Variants in EPHB3 observed in about 807,000 individuals in gnomAD.
The protein encoded by EPHB3 is EPH receptor B3.
Under a neutral mutation model 100.2 loss-of-function variants are expected in EPHB3, and 33 were observed. That is an observed-to-expected ratio of 0.33 (90% CI 0.25 to 0.44). The LOEUF (loss-of-function observed/expected upper bound fraction) is 0.44. Ranked by LOEUF, EPHB3 falls within the 20% of genes least tolerant of loss-of-function variation. The probability of loss-of-function intolerance (pLI) is 1.00; values close to 1 mark genes in which losing one functional copy is unlikely to be tolerated. For missense variants in EPHB3, 1,045 were observed against 1,378.3 expected (o/e 0.76, Z 3.83); for synonymous variants, 526 against 554.7 (o/e 0.95, Z 0.73).
In EPHB3 at chr3:184,578,040, C is replaced by A. The variant is rs4072650; in HGVS notation, c.1748+34C>A. On this transcript the variant is annotated intron_variant, in intron 8 of 15. Coordinates refer to ENST00000330394, the MANE Select transcript of EPHB3 (RefSeq NM_004443.4). The surrounding 1 kb of genome is among the most constrained non-coding windows in gnomAD (Gnocchi z 4.7). ...AGGCCCACTGTTGCTCCATGGGCCG[C>A]CTCGAACTGCCCTTTAGCATCCTAG... 0.32 allele frequency: 513,749 copies of A among 1,605,972 alleles called. 85,637 individuals carry two copies. The highest frequency in any genetic ancestry group is 0.52 in the African/African-American group (38,801 of 74,662).
chr3:184,572,407 A>C lies in EPHB3; in HGVS notation c.184-97A>C. 1 of 1,374,786 alleles carries C rather than the reference A, an allele frequency of 7.3e-7. No individual in the cohort carries two copies. The highest frequency in any genetic ancestry group is 9.6e-7 in the Non-Finnish European group (1 of 1,038,180). 85.2% of individuals were successfully genotyped at this position (1,374,786 alleles called of 1,614,324 possible). A position where few individuals can be genotyped will look rare whatever the true frequency, so the allele number is the denominator to read the frequency against. ...ATGCTCAGCCACTGCACACCATAGAAGCATCCCTGTGAAGTAAATAGAGCA... is the reference window on the plus strand; with the variant it reads ...ATGCTCAGCCACTGCACACCATAGACGCATCCCTGTGAAGTAAATAGAGCA... On this transcript the variant is annotated intron_variant, in intron 2 of 15. Coordinates refer to ENST00000330394, the MANE Select transcript of EPHB3 (RefSeq NM_004443.4). The surrounding 1 kb of genome is among the most constrained non-coding windows in gnomAD (Gnocchi z 6.6).
In EPHB3 at chr3:184,578,503, A is replaced by T. The variant is rs745799761; in HGVS notation, c.1801+37A>T. The stretch of plus-strand genomic sequence containing the variant: ...CCCGCCGCCCTCCCCAAGCTCTCCC[A>T]GCCCCCTGCAGGGCTCTCAGACACC... On this transcript the variant is annotated intron_variant, in intron 9 of 15. Coordinates refer to ENST00000330394, the MANE Select transcript of EPHB3 (RefSeq NM_004443.4). The surrounding 1 kb of genome is among the most constrained non-coding windows in gnomAD (Gnocchi z 4.7). 1.9e-6 allele frequency: 3 copies of T among 1,612,828 alleles called. No individual in the cohort carries two copies. The African/African-American group carries it at 4.0e-5, about 22-fold the overall frequency.
chr3:184,565,279 C>T lies in EPHB3; in HGVS notation c.118+2926C>T, dbSNP rs977069227. ...GGAAACAGGGCCACCTTGTCACCCA[C>T]TGGTCTTTTGAGTAATGTTCCCCAG... On this transcript the variant is annotated intron_variant, in intron 1 of 15. Coordinates refer to ENST00000330394, the MANE Select transcript of EPHB3 (RefSeq NM_004443.4). The surrounding 1 kb of genome is among the most constrained non-coding windows in gnomAD (Gnocchi z 4.8). Among the ~76,000 whole-genome samples the T allele has an allele frequency of 6.6e-6, 1 of 152,136 alleles. No homozygotes were observed. Among genetic ancestry groups the T allele is most frequent in the Admixed American group, 6.5e-5 (1 of 15,282 alleles).
rs1004144334 is a variant in EPHB3, at chr3:184,578,625, G to A, written c.1801+159G>A. ...CATTTCCTGACCCCTATCTCACTCC[G>A]GGTACCCTGGGCCCCTACTCACTCC... On this transcript the variant is annotated intron_variant, in intron 9 of 15. Coordinates refer to ENST00000330394, the MANE Select transcript of EPHB3 (RefSeq NM_004443.4). The surrounding 1 kb of genome is among the most constrained non-coding windows in gnomAD (Gnocchi z 4.7). Among the ~76,000 whole-genome samples, 6 of 152,052 alleles carry A rather than the reference G, an allele frequency of 3.9e-5. No individual in the cohort carries two copies. Among genetic ancestry groups the A allele is most frequent in the South Asian group, 4.2e-4 (2 of 4,818 alleles).
In EPHB3 at chr3:184,577,849, G is replaced by A. The variant is rs372436350; in HGVS notation, c.1639+32G>A. On this transcript the variant is annotated intron_variant, in intron 7 of 15. Transcript: ENST00000330394. This position sits in a 1 kb window ranked among gnomAD's most constrained non-coding sequence, Gnocchi z 4.9. ...AGCCCCCTGCGCCTGTCCCCATCGC[G>A]GCCCTCACTCTCTGTCCCTCCACTC... is the stretch of plus-strand genomic sequence containing the variant. 23 of 1,605,060 alleles carry A rather than the reference G, an allele frequency of 1.4e-5. No individual in the cohort carries two copies. The highest frequency in any genetic ancestry group is 8.8e-5 in the South Asian group (8 of 90,406).
rs1337190051 is a variant in EPHB3, at chr3:184,565,644, G to A, written c.118+3291G>A. ...CAGCAGGAGTGACCCCTGAGAACAC[G>A]GGAACTGAGAGGGGACAGCGGGCCA... is the stretch of plus-strand genomic sequence containing the variant. On this transcript the variant is annotated intron_variant, in intron 1 of 15. Transcript: ENST00000330394. The surrounding 1 kb of genome is among the most constrained non-coding windows in gnomAD (Gnocchi z 4.8). Among the ~76,000 whole-genome samples the A allele has an allele frequency of 6.6e-6, 1 of 152,154 alleles. No individual in the cohort carries two copies. Among genetic ancestry groups the A allele is most frequent in the Non-Finnish European group, 1.5e-5 (1 of 68,016 alleles).
Position 184,562,764 on chromosome 3 carries a change from G to A in EPHB3, c.118+411G>A, listed in dbSNP as rs1391484459. On this transcript the variant is annotated intron_variant, in intron 1 of 15. Coordinates refer to ENST00000330394, the MANE Select transcript of EPHB3 (RefSeq NM_004443.4). This position sits in a 1 kb window ranked among gnomAD's most constrained non-coding sequence, Gnocchi z 4.8. ...GGGTGGGGGCGAAGCGGGACTCCCC[G>A]GGTTGGGGGGCGCTAATGAGGAGCC... is the stretch of plus-strand genomic sequence containing the variant. Among the ~76,000 whole-genome samples the A allele has an allele frequency of 2.6e-5, 4 of 152,228 alleles. No individual in the cohort carries two copies. Among genetic ancestry groups the A allele is most frequent in the Non-Finnish European group, 5.9e-5 (4 of 68,034 alleles).
At position 184,573,716 on chromosome 3, in the gene EPHB3, C is replaced by CT. The variant is rs67295730; in HGVS notation, c.856+558dup. Reference sequence around the variant, plus strand: ...CACTTACGTGACCTTGGGCAAGTTACTTTTTTTTTTTTTTTTTTGAGATGG... The same window carrying CT: ...CACTTACGTGACCTTGGGCAAGTTACTTTTTTTTTTTTTTTTTTTGAGATGG... On this transcript the variant is annotated intron_variant, in intron 3 of 15. Coordinates refer to ENST00000330394, the MANE Select transcript of EPHB3 (RefSeq NM_004443.4). The surrounding 1 kb of genome is among the most constrained non-coding windows in gnomAD (Gnocchi z 4.5). 0.048 allele frequency among the ~76,000 whole-genome samples: 6,680 copies of CT among 138,478 alleles called. 207 individuals are homozygous for CT. Among genetic ancestry groups the CT allele is most frequent in the African/African-American group, 0.068 (2,528 of 37,292 alleles). 90.8% of individuals were successfully genotyped at this position (138,478 alleles called of 152,430 possible).
chr3:184,567,794 T>C (rs971162776), intron 1 of EPHB3, among the ~76,000 whole-genome samples: 2 of 152,112 alleles, frequency 1.3e-5, no homozygotes, highest in Non-Finnish European at 2.9e-5. Context: ...TACTGCAGGG[T>C]TGGGGGTGAG....
Position 184,562,884 on chromosome 3 carries a change from G to A in EPHB3, c.118+531G>A, listed in dbSNP as rs1034296474. Among the ~76,000 whole-genome samples the A allele has an allele frequency of 4.6e-5, 7 of 152,216 alleles. No individual in the cohort carries two copies. Among genetic ancestry groups the A allele is most frequent in the Non-Finnish European group, 7.3e-5 (5 of 68,030 alleles). ...CAGGCGGGGGCCTGTTATTGTTTAT[G>A]GTTTACCGGGCGCCAATTACACCCG... On this transcript the variant is annotated intron_variant, in intron 1 of 15. Coordinates refer to ENST00000330394, the MANE Select transcript of EPHB3 (RefSeq NM_004443.4). The surrounding 1 kb of genome is among the most constrained non-coding windows in gnomAD (Gnocchi z 4.8).
In EPHB3 at chr3:184,575,845, G is replaced by A. The variant is rs533462780; in HGVS notation, c.872G>A (p.Ser291Asn). ...ESQCRPCPPG[S>N]YKAKQGEGPC... is the part of the protein sequence containing the mutation. ...TCTCCCACAGCCTGTCCCCCTGGGA[G>A]CTACAAGGCGAAGCAGGGAGAGGGG... is the stretch of plus-strand genomic sequence containing the variant. The change falls in exon 4 of 16, where the codon AGC (serine) becomes AAC (asparagine). Residue 291 changes from serine to asparagine, a missense_variant. Physicochemically the swap from Ser to Asn is conservative, Grantham distance 46. Around this residue, in one of 2 missense-constraint regions of EPHB3, gnomAD observed 985 missense variants for 1,331.1 expected, o/e 0.74. Transcript: ENST00000330394. 1.2e-6 allele frequency: 2 copies of A among 1,609,062 alleles called. No homozygotes were observed. The highest frequency in any genetic ancestry group is 4.5e-5 in the East Asian group (2 of 44,812).
Position 184,578,181 on chromosome 3 carries a change from C to G in EPHB3, c.1748+175C>G, listed in dbSNP as rs1714729633. The stretch of plus-strand genomic sequence containing the variant: ...CTCCCATCCCTGCCTGTGTCTTCAT[C>G]CCGCCCTTTCTCCATACCCCATTCC... On this transcript the variant is annotated intron_variant, in intron 8 of 15. Coordinates refer to ENST00000330394, the MANE Select transcript of EPHB3 (RefSeq NM_004443.4). This position sits in a 1 kb window ranked among gnomAD's most constrained non-coding sequence, Gnocchi z 4.7. The G allele has an allele frequency of 1.1e-6, 1 of 869,890 alleles. No individual in the cohort carries two copies. Among genetic ancestry groups the G allele is most frequent in the Non-Finnish European group, 1.7e-6 (1 of 578,398 alleles). The allele number at this position is 869,890 out of a possible 1,614,324, so 53.9% of individuals were successfully genotyped here.
At chr3:184,575,110 T>C in intron 3 of EPHB3, 1 of 980,788 alleles carries the variant, frequency 1.0e-6, no homozygotes, top group Non-Finnish European at 1.2e-6. Flanking sequence ...CTACCATCAA[T>C]CCACAGAGCC....
In EPHB3 at chr3:184,572,569, G is replaced by A; in HGVS notation, c.249G>A (p.Val83=). The change falls in exon 3 of 16, where the codon GTG becomes GTA. Residue 83 remains valine, a synonymous_variant. Coordinates refer to ENST00000330394, the MANE Select transcript of EPHB3 (RefSeq NM_004443.4). The surrounding 1 kb of genome is among the most constrained non-coding windows in gnomAD (Gnocchi z 6.6). ...NPIRTYQVCN[V]RESSQNNWLR... Reference sequence around the variant, plus strand: ...TCCGCACATACCAGGTGTGTAATGTGCGCGAGTCAAGCCAGAACAACTGGC... The same window carrying A: ...TCCGCACATACCAGGTGTGTAATGTACGCGAGTCAAGCCAGAACAACTGGC... 1 of 1,548,698 alleles carries A rather than the reference G, an allele frequency of 6.5e-7. No individual in the cohort carries two copies. Among genetic ancestry groups the A allele is most frequent in the Non-Finnish European group, 8.7e-7 (1 of 1,151,282 alleles).
intron 4 of EPHB3, among the ~76,000 whole-genome samples, chr3:184,576,361 C>G (rs1394698174): frequency 6.6e-6 from 1 of 152,172 alleles, no homozygotes; most frequent in Non-Finnish European, 1.5e-5. Context: ...TCCAGCCCCA[C>G]TCTAACCATG....
rs1714480913 is a variant in EPHB3 at position 184,569,282 on chromosome 3, T to A, written c.119-2036T>A. ...CGGGACTGACACTCGCGCTGCCGGC[T>A]GGGGACGAGGCCGCCTGGCAACCTC... On this transcript the variant is annotated intron_variant, in intron 1 of 15. Coordinates refer to ENST00000330394, the MANE Select transcript of EPHB3 (RefSeq NM_004443.4). This position sits in a 1 kb window ranked among gnomAD's most constrained non-coding sequence, Gnocchi z 5.4. Among the ~76,000 whole-genome samples, 1 of 151,770 alleles carries A rather than the reference T, an allele frequency of 6.6e-6. No individual in the cohort carries two copies. Among genetic ancestry groups the A allele is most frequent in the African/African-American group, 2.4e-5 (1 of 41,294 alleles).
In EPHB3 at chr3:184,578,208, T is replaced by C; in HGVS notation, c.1748+202T>C. The stretch of plus-strand genomic sequence containing the variant: ...CGCCCTTTCTCCATACCCCATTCCC[T>C]GAATCTCCGGGCAGGTTCCCTAGGG... On this transcript the variant is annotated intron_variant, in intron 8 of 15. Coordinates refer to ENST00000330394, the MANE Select transcript of EPHB3 (RefSeq NM_004443.4). This position sits in a 1 kb window ranked among gnomAD's most constrained non-coding sequence, Gnocchi z 4.7. 2 of 872,582 alleles carry C rather than the reference T, an allele frequency of 2.3e-6. No individual in the cohort carries two copies. Among genetic ancestry groups the C allele is most frequent in the Middle Eastern group, 3.4e-4 (1 of 2,970 alleles). The allele number at this position is 872,582 out of a possible 1,614,324, so 54.1% of individuals were successfully genotyped here. A position where few individuals can be genotyped will look rare whatever the true frequency, so the allele number is the denominator to read the frequency against.
intron 1 of EPHB3, among the ~76,000 whole-genome samples, chr3:184,567,956 G>A (rs889068210): frequency 6.6e-6 from 1 of 152,190 alleles, no homozygotes; most frequent in Non-Finnish European, 1.5e-5. Context: ...ATATGCATCC[G>A]TGTGTCTGAG....
chr3:184,568,061 C>T (rs186590060), intron 1 of EPHB3, among the ~76,000 whole-genome samples: 6 of 152,270 alleles, frequency 3.9e-5, no homozygotes, highest in Admixed American at 2.0e-4. Context: ...TGACTTGTCA[C>T]TCTTTAGCCC....
Sources: gnomAD v4.1 joint callset for allele counts (sites outside exome capture counted in the v4.1 genomes callset) on GRCh38, gnomAD v4.1.1 for gene constraint, gnomAD v4.1.1 regional missense constraint, Gnocchi (gnomAD v3.1) non-coding constraint, MANE v1.5 for transcripts, NCBI Gene and HGNC (gene_info 2026-07-23, HGNC 2026-07-21) for gene names.